The following CDK19 variants were observed in gnomAD, a reference collection of about 807,000 sequenced individuals.
CDK19 encodes the protein cyclin-dependent kinase 19.
Under a neutral mutation model 68.3 loss-of-function variants are expected in CDK19, and 20 were observed. The observed-to-expected ratio is 0.29, with a 90% CI of 0.21 to 0.43. The LOEUF is 0.43. CDK19 is among the 20% of genes least tolerant of loss of function. The pLI is 1.00. For missense variants in CDK19, 339 were observed against 623.5 expected (o/e 0.54, Z 4.86); for synonymous variants, 221 against 222.8 (o/e 0.99, Z 0.07).
chr6:110,688,044 T>C (rs1229825406), intron 2 of CDK19, among the ~76,000 whole-genome samples: 2 of 152,144 alleles, frequency 1.3e-5, no homozygotes, highest in African/African-American at 4.8e-5. Flanking sequence ...CATACTTCGA[T>C]ACACTTCAAA....
At chr6:110,671,184 A>G (rs1233959504) in intron 2 of CDK19, among the ~76,000 whole-genome samples, 1 of 152,178 alleles carries the variant, frequency 6.6e-6, no homozygotes, top group African/African-American at 2.4e-5. Flanking sequence ...AGGACTTCAC[A>G]AAGTAAAAGC....
intron 1 of CDK19, among the ~76,000 whole-genome samples, chr6:110,784,376 G>GA (rs924614673): frequency 4.6e-5 from 7 of 152,072 alleles, no homozygotes; most frequent in African/African-American, 1.7e-4. Flanking sequence ...CTAAGCACAT[G>GA]AAAAAATGCT....
At chr6:110,702,587 AC>A (rs1466238844) in intron 2 of CDK19, among the ~76,000 whole-genome samples, 2 of 152,208 alleles carry the variant, frequency 1.3e-5, no homozygotes, top group Non-Finnish European at 2.9e-5. Flanking sequence ...TGATCGCATC[AC>A]TGCACTTTAG....
At chr6:110,791,815 CTAT>C (rs1163850333) in intron 1 of CDK19, among the ~76,000 whole-genome samples, 2 of 151,678 alleles carry the variant, frequency 1.3e-5, no homozygotes, top group African/African-American at 2.4e-5. Context: ...ATAATAATTA[CTAT>C]TATTATTTTT....
chr6:110,721,499 C>T (rs568000258), intron 2 of CDK19, among the ~76,000 whole-genome samples: 1 of 152,060 alleles, frequency 6.6e-6, no homozygotes, highest in Non-Finnish European at 1.5e-5. Flanking sequence ...AGGTTCCCAG[C>T]CTTTTCAAAT....
chr6:110,678,814 C>T (rs1369776129), intron 2 of CDK19, among the ~76,000 whole-genome samples: 1 of 152,190 alleles, frequency 6.6e-6, no homozygotes, highest in South Asian at 2.1e-4. Flanking sequence ...TAACTGATAA[C>T]GATGCAGAAT....
At position 110,621,076 on chromosome 6, in the gene CDK19, AT is replaced by A; in HGVS notation, c.1377+27del. On this transcript the variant is annotated intron_variant, in intron 12 of 12. Coordinates refer to ENST00000368911, the MANE Select transcript of CDK19 (RefSeq NM_015076.5). This position sits in a 1 kb window ranked among gnomAD's most constrained non-coding sequence, Gnocchi z 5.4. ...AAATCTTTTCCCCACTTCATAAAGC[AT>A]ATGAACATTAGACATTCAGGGAGTA... is the stretch of plus-strand genomic sequence containing the variant. 1 of 1,590,226 alleles carries A rather than the reference AT, an allele frequency of 6.3e-7. No homozygotes were observed. The highest frequency in any genetic ancestry group is 8.6e-7 in the Non-Finnish European group (1 of 1,166,776).
chr6:110,652,857 T>C (rs1287019898), intron 4 of CDK19, among the ~76,000 whole-genome samples: 1 of 152,186 alleles, frequency 6.6e-6, no homozygotes, highest in Admixed American at 6.5e-5. Context: ...AAGTGTGGAC[T>C]CTCCATGTAA....
intron 1 of CDK19, among the ~76,000 whole-genome samples, chr6:110,753,413 G>C (rs554287341): frequency 2.0e-5 from 3 of 150,810 alleles, no homozygotes; most frequent in Non-Finnish European, 4.4e-5. Flanking sequence ...TTTTAGACAA[G>C]GTCTCTGTCA....
intron 4 of CDK19, among the ~76,000 whole-genome samples, chr6:110,656,529 G>A (rs1781317308): frequency 6.6e-6 from 1 of 152,136 alleles, no homozygotes; most frequent in Non-Finnish European, 1.5e-5. Context: ...ACTATATGTA[G>A]GCTATCTGTA....
At chr6:110,762,760 G>A (rs988982013) in intron 1 of CDK19, among the ~76,000 whole-genome samples, 3 of 152,166 alleles carry the variant, frequency 2.0e-5, no homozygotes, top group East Asian at 3.8e-4. Flanking sequence ...TACTTGGGAA[G>A]AGATACAGGA....
chr6:110,753,880 G>A (rs920513969), intron 1 of CDK19, among the ~76,000 whole-genome samples: 1 of 152,044 alleles, frequency 6.6e-6, no homozygotes, highest in Non-Finnish European at 1.5e-5. Flanking sequence ...AGGATATGTT[G>A]ATAATATTTC....
intron 12 of CDK19, among the ~76,000 whole-genome samples, chr6:110,618,896 C>T (rs544957300): frequency 2.0e-5 from 3 of 152,258 alleles, no homozygotes; most frequent in African/African-American, 7.2e-5. Context: ...TTTCTTTACC[C>T]AGAACTCTTA....
At chr6:110,642,701 C>G (rs995271346) in intron 4 of CDK19, among the ~76,000 whole-genome samples, 4 of 151,930 alleles carry the variant, frequency 2.6e-5, no homozygotes, top group Admixed American at 2.6e-4. Flanking sequence ...CACCTGTAAT[C>G]CCAGTTACTC....
intron 1 of CDK19, among the ~76,000 whole-genome samples, chr6:110,783,865 A>G (rs1240453241): frequency 6.6e-6 from 1 of 152,050 alleles, no homozygotes; most frequent in Non-Finnish European, 1.5e-5. Context: ...ATCATCAAGA[A>G]ATTGAAAAGG....
chr6:110,728,031 C>G (rs1278954422), intron 2 of CDK19, among the ~76,000 whole-genome samples: 1 of 151,906 alleles, frequency 6.6e-6, no homozygotes, highest in Non-Finnish European at 1.5e-5. Context: ...TGGCTCACAC[C>G]TGTAATCCCA....
chr6:110,767,146 T>C (rs975784991), intron 1 of CDK19, among the ~76,000 whole-genome samples: 3 of 138,974 alleles, frequency 2.2e-5, no homozygotes, highest in African/African-American at 5.4e-5. Flanking sequence ...AATAAATAAA[T>C]AAATAAATAG....
Position 110,621,016 on chromosome 6 carries a change from G to T in CDK19, c.1377+88C>A. 2 of 1,270,106 alleles carry T rather than the reference G, an allele frequency of 1.6e-6. No individual in the cohort carries two copies. Among genetic ancestry groups the T allele is most frequent in the South Asian group, 2.9e-5 (2 of 69,978 alleles). The allele number at this position is 1,270,106 out of a possible 1,614,324, so 78.7% of individuals were successfully genotyped here. ...CAGGATTGCACAGTCAAATGTAAGA[G>T]TTAAGTGTTACTTAACTCTAAAAGG... On this transcript the variant is annotated intron_variant, in intron 12 of 12. Transcript: ENST00000368911. This position sits in a 1 kb window ranked among gnomAD's most constrained non-coding sequence, Gnocchi z 5.4.
chr6:110,611,650 G>A lies in CDK19; in HGVS notation c.*2885C>T, dbSNP rs1351297030. 2 of 152,500 alleles carry A rather than the reference G, an allele frequency of 1.3e-5. No homozygotes were observed. Among genetic ancestry groups the A allele is most frequent in the African/African-American group, 4.8e-5 (2 of 41,568 alleles). The allele number at this position is 152,500 out of a possible 1,614,324, so 9.4% of individuals were successfully genotyped here. On this transcript the variant is annotated 3_prime_UTR_variant, in exon 13 of 13. Coordinates refer to ENST00000368911, the MANE Select transcript of CDK19 (RefSeq NM_015076.5). ...AAAATACAAAAATTAGCCAGACGTG[G>A]TGGTGCGTGCCCGTAGTCCCAGCTA...
Sources: allele counts gnomAD v4.1 joint callset (sites outside exome capture counted in the v4.1 genomes callset), GRCh38; gene constraint gnomAD v4.1.1; non-coding constraint Gnocchi (gnomAD v3.1); transcripts MANE v1.5; gene names NCBI Gene and HGNC (gene_info 2026-07-23, HGNC 2026-07-21).